Variants in CTIF observed in about 807,000 individuals in gnomAD.
CTIF encodes the protein cap binding complex dependent translation initiation factor, also known as CBP80/20-dependent translation initiation factor.
In CTIF, 21 loss-of-function variants were observed where a neutral mutation model predicts 66.0. The observed-to-expected ratio is 0.32, with a 90% CI of 0.23 to 0.46. The LOEUF (loss-of-function observed/expected upper bound fraction) is 0.46, where lower values mean the gene tolerates loss of function less well. CTIF is among the 20% of genes least tolerant of loss of function. The pLI is 1.00. For missense variants in CTIF, 739 were observed against 812.7 expected, an observed-to-expected ratio of 0.91 and a Z score of 1.10; for synonymous variants, 345 against 326.4, an observed-to-expected ratio of 1.06 and a Z score of -0.62.
At chr18:48,590,821 G>A (rs922368889) in intron 1 of CTIF, among the ~76,000 whole-genome samples, 4 of 132,040 alleles carry the variant, frequency 3.0e-5, no homozygotes, top group Admixed American at 7.8e-5. Flanking sequence ...CCTCCACCCC[G>A]CCCCCACCAC....
intron 10 of CTIF, among the ~76,000 whole-genome samples, chr18:48,830,251 G>A (rs557437819): frequency 2.0e-5 from 3 of 152,232 alleles, no homozygotes; most frequent in South Asian, 2.1e-4. Context: ...TACAACCTCC[G>A]CCTGCCAGAG....
chr18:48,568,025 C>A (rs1284458171), intron 1 of CTIF: 1 of 152,116 alleles, frequency 6.6e-6, no homozygotes, highest in Non-Finnish European at 1.5e-5. Flanking sequence ...GCTTTCTGAG[C>A]CTCAGTTCAC....
At chr18:48,652,066 TA>T (rs2091164836) in intron 3 of CTIF, among the ~76,000 whole-genome samples, 2 of 152,010 alleles carry the variant, frequency 1.3e-5, no homozygotes, top group South Asian at 4.2e-4. Flanking sequence ...ACATCACAAT[TA>T]AAAGAACTAG....
chr18:48,785,448 T>G (rs536273363), intron 9 of CTIF, among the ~76,000 whole-genome samples: 9 of 152,250 alleles, frequency 5.9e-5, no homozygotes, highest in Non-Finnish European at 1.0e-4. Flanking sequence ...CATCTCAGGC[T>G]GGGGAGCATT....
intron 6 of CTIF, among the ~76,000 whole-genome samples, chr18:48,701,377 C>T (rs11872479): frequency 0.14 from 21,368 of 152,184 alleles, 2,043 homozygotes; most frequent in African/African-American, 0.27. Flanking sequence ...TTCTCTTGTG[C>T]GTGTCCCGTG....
chr18:48,654,833 A>G (rs2091217635), intron 3 of CTIF, among the ~76,000 whole-genome samples: 1 of 152,172 alleles, frequency 6.6e-6, no homozygotes, highest in South Asian at 2.1e-4. Context: ...AGGGACATGG[A>G]TTCAGCTGGA....
chr18:48,570,291 C>A (rs1048381460), intron 1 of CTIF, among the ~76,000 whole-genome samples: 7 of 152,218 alleles, frequency 4.6e-5, no homozygotes, highest in African/African-American at 1.7e-4. Context: ...AGGAAGAACT[C>A]TTGTCATCTG....
intron 7 of CTIF, among the ~76,000 whole-genome samples, chr18:48,718,899 G>A (rs1295890838): frequency 6.6e-6 from 1 of 152,118 alleles, no homozygotes; most frequent in Admixed American, 6.5e-5. Context: ...TGAGCACTCA[G>A]AGCACCCATT....
intron 1 of CTIF, among the ~76,000 whole-genome samples, chr18:48,549,946 T>A (rs1288532706): frequency 8.0e-6 from 1 of 124,912 alleles, no homozygotes; most frequent in Non-Finnish European, 1.9e-5. Context: ...TAGCTTTACT[T>A]TTTTTTATAT....
At chr18:48,784,268 G>A (rs1015758914) in intron 9 of CTIF, among the ~76,000 whole-genome samples, 1 of 152,246 alleles carries the variant, frequency 6.6e-6, no homozygotes, top group African/African-American at 2.4e-5. Flanking sequence ...ACAGGCCTGA[G>A]TCCCAGCACC....
At chr18:48,796,242 C>T (rs927371499) in intron 9 of CTIF, among the ~76,000 whole-genome samples, 1 of 151,118 alleles carries the variant, frequency 6.6e-6, no homozygotes, top group Admixed American at 6.6e-5. Flanking sequence ...GGTGTGATCT[C>T]GGCTCACCGC....
chr18:48,552,229 C>T (rs2088901355), intron 1 of CTIF, among the ~76,000 whole-genome samples: 1 of 152,186 alleles, frequency 6.6e-6, no homozygotes, highest in Non-Finnish European at 1.5e-5. Context: ...GCACTTCTTC[C>T]AACGGGGACA....
chr18:48,620,260 A>G (rs2090470070), intron 2 of CTIF, among the ~76,000 whole-genome samples: 1 of 152,188 alleles, frequency 6.6e-6, no homozygotes, highest in African/African-American at 2.4e-5. Context: ...TAGACATATG[A>G]GGCAATCCAA....
At chr18:48,770,850 C>T (rs77236095) in intron 9 of CTIF, among the ~76,000 whole-genome samples, 1 of 152,300 alleles carries the variant, frequency 6.6e-6, no homozygotes, top group African/African-American at 2.4e-5. Flanking sequence ...TGCACGGACC[C>T]CAGCTCTGAG....
At chr18:48,766,743 C>T (rs562161922) in intron 9 of CTIF, among the ~76,000 whole-genome samples, 7 of 152,288 alleles carry the variant, frequency 4.6e-5, no homozygotes, top group South Asian at 4.1e-4. Context: ...GGGAAAACTC[C>T]GAGTCTGAGC....
intron 9 of CTIF, among the ~76,000 whole-genome samples, chr18:48,773,490 C>G (rs1387542916): frequency 6.6e-6 from 1 of 152,240 alleles, no homozygotes; most frequent in Non-Finnish European, 1.5e-5. Flanking sequence ...CCAGCCAGAG[C>G]CAGGAGCTGG....
chr18:48,730,210 T>G (rs576525205), intron 7 of CTIF, among the ~76,000 whole-genome samples: 2 of 112,950 alleles, frequency 1.8e-5, no homozygotes, highest in African/African-American at 7.1e-5. Context: ...GGGGCTCCTG[T>G]GGTGTGAGGA....
At chr18:48,846,993 G>A (rs886946100) in intron 10 of CTIF, among the ~76,000 whole-genome samples, 1 of 152,096 alleles carries the variant, frequency 6.6e-6, no homozygotes, top group African/African-American at 2.4e-5. Flanking sequence ...AGGTTGACCT[G>A]TCACCAGTCA....
intron 2 of CTIF, chr18:48,625,303 T>A: frequency 1.4e-6 from 1 of 700,240 alleles, no homozygotes; most frequent in Non-Finnish European, 1.8e-6. Context: ...TCCCCTTATT[T>A]AAAAAATGTA....
Sources: allele counts gnomAD v4.1 joint callset (sites outside exome capture counted in the v4.1 genomes callset), GRCh38; gene constraint gnomAD v4.1.1; transcripts MANE v1.5; gene names NCBI Gene and HGNC (gene_info 2026-07-23, HGNC 2026-07-21).